The following DACH1 variants were observed in gnomAD, a reference collection of about 807,000 sequenced individuals.
DACH1 encodes the protein dachshund family transcription factor 1, also known as dachshund homolog 1.
In DACH1, 12 loss-of-function variants were observed where a neutral mutation model predicts 54.2. The ratio of observed to expected loss-of-function variants is 0.22; its 90% CI spans 0.14 to 0.36. The LOEUF is 0.36. Ranked by LOEUF, DACH1 falls within the 10% of genes least tolerant of loss-of-function variation. The probability of loss-of-function intolerance (pLI) is 1.00; values close to 1 mark genes in which losing one functional copy is unlikely to be tolerated. For synonymous variants in DACH1, 386 were observed against 366.2 expected (o/e 1.05, Z -0.62); for missense variants, 805 against 929.8 (o/e 0.87, Z 1.75).
intron 3 of DACH1, among the ~76,000 whole-genome samples, chr13:71,591,665 T>G (rs1365744823): frequency 6.6e-6 from 1 of 152,092 alleles, no homozygotes; most frequent in African/African-American, 2.4e-5. Context: ...TTAGTATTAT[T>G]ATGAAATGAG....
intron 10 of DACH1, among the ~76,000 whole-genome samples, chr13:71,458,119 C>T (rs1038016668): frequency 1.3e-5 from 2 of 151,616 alleles, no homozygotes; most frequent in African/African-American, 4.8e-5. Context: ...TTTTTTATTT[C>T]TTTATTCTCA....
At chr13:71,548,082 G>A (rs1368657273) in intron 6 of DACH1, among the ~76,000 whole-genome samples, 1 of 152,100 alleles carries the variant, frequency 6.6e-6, no homozygotes. Context: ...GTGAGTGTTA[G>A]GCAAAATTGA....
chr13:71,488,769 T>C (rs1878744816), intron 7 of DACH1, among the ~76,000 whole-genome samples: 1 of 151,388 alleles, frequency 6.6e-6, no homozygotes, highest in Admixed American at 6.6e-5. Context: ...TTCATCTAAG[T>C]TTTTATTATG....
intron 3 of DACH1, among the ~76,000 whole-genome samples, chr13:71,618,375 G>A (rs982262265): frequency 1.3e-5 from 2 of 151,958 alleles, no homozygotes; most frequent in South Asian, 2.1e-4. Flanking sequence ...TAAACATTTT[G>A]GAATGTTGCC....
Position 71,451,424 on chromosome 13 carries a change from G to C in DACH1, c.2084-10732C>G, listed in dbSNP as rs576131258. ...TTGAGCATTGCTTGGTACATGGAAA[G>C]GGCTCAATAAAAATATATGGAAGGA... On this transcript the variant is annotated intron_variant, in intron 10 of 10. Transcript: ENST00000613252. Among the ~76,000 whole-genome samples, 31 of 152,210 alleles carry C rather than the reference G, an allele frequency of 2.0e-4. No individual in the cohort carries two copies. In the South Asian group the frequency reaches 6.2e-3, roughly 31 times the overall value.
Position 71,616,727 on chromosome 13 carries a change from T to C in DACH1, c.1126+13829A>G, listed in dbSNP as rs567698263. Among the ~76,000 whole-genome samples, 11 of 151,928 alleles carry C rather than the reference T, an allele frequency of 7.2e-5. No homozygotes were observed. In the East Asian group the frequency reaches 2.1e-3, roughly 29 times the overall value. On this transcript the variant is annotated intron_variant, in intron 3 of 10. Coordinates refer to ENST00000613252, the MANE Select transcript of DACH1 (RefSeq NM_080759.6). ...CTCCAGCCTGAATGACAGAGTGAGA[T>C]CCTGTCTCTAAAATGAACAAATGAG...
chr13:71,565,972 G>A (rs745492766), intron 4 of DACH1, among the ~76,000 whole-genome samples: 3 of 152,058 alleles, frequency 2.0e-5, no homozygotes, highest in Non-Finnish European at 4.4e-5. Flanking sequence ...AATGAATACT[G>A]GCGTCTTAAT....
chr13:71,817,714 T>G (rs1888014841), intron 1 of DACH1, among the ~76,000 whole-genome samples: 1 of 152,148 alleles, frequency 6.6e-6, no homozygotes, highest in African/African-American at 2.4e-5. Flanking sequence ...ATTTTTAAGG[T>G]ATTAAGGAAA....
chr13:71,849,922 T>C (rs1490865040), intron 1 of DACH1, among the ~76,000 whole-genome samples: 1 of 152,230 alleles, frequency 6.6e-6, no homozygotes, highest in Non-Finnish European at 1.5e-5. Context: ...AACATAAGAC[T>C]AACAATGTGT....
intron 1 of DACH1, among the ~76,000 whole-genome samples, chr13:71,800,796 A>G (rs560881913): frequency 2.0e-5 from 3 of 152,222 alleles, no homozygotes; most frequent in Admixed American, 1.3e-4. Flanking sequence ...GCTAATTTGA[A>G]GTCCTCAGAT....
chr13:71,589,763 TA>T (rs1309476219), intron 3 of DACH1, among the ~76,000 whole-genome samples: 1 of 152,014 alleles, frequency 6.6e-6, no homozygotes, highest in Admixed American at 6.6e-5. Context: ...TCATTAAGCA[TA>T]AATCATCAAA....
At position 71,559,880 on chromosome 13, in the gene DACH1, G is replaced by C; in HGVS notation, c.1375C>G (p.His459Asp). The C allele has an allele frequency of 6.2e-7, 1 of 1,612,516 alleles. No homozygotes were observed. The highest frequency in any genetic ancestry group is 1.7e-4 in the Middle Eastern group (1 of 5,982). ...GAGCTGGACACGCTGCTGCTGCGAT[G>C]TGATGATGGGTGACTGCCAGGCCTT... ...GRRPGSHPSS[H>D]RSSSVSSSPA... Residue 459 changes from histidine (H) to aspartate (D), a missense_variant, in exon 5 of 11, where the codon CAT (histidine) becomes GAT (aspartate). His to Asp is a moderately conservative substitution (Grantham distance 81). Transcript: ENST00000613252.
intron 1 of DACH1, 76 bp downstream of exon 1, chr13:71,865,846 C>T (rs1874714523): frequency 2.2e-6 from 3 of 1,373,546 alleles, no homozygotes; most frequent in African/African-American, 3.0e-5. Flanking sequence ...CGAGCGGCGC[C>T]GGGAAAGGAG....
intron 6 of DACH1, among the ~76,000 whole-genome samples, chr13:71,498,675 C>A (rs1879652137): frequency 6.6e-6 from 1 of 151,200 alleles, no homozygotes; most frequent in Admixed American, 6.6e-5. Flanking sequence ...AAAAAAACCA[C>A]CATGGCAAGA....
At chr13:71,818,752 C>T (rs1193155288) in intron 1 of DACH1, among the ~76,000 whole-genome samples, 1 of 152,184 alleles carries the variant, frequency 6.6e-6, no homozygotes, top group African/African-American at 2.4e-5. Context: ...TAAATACAGG[C>T]ATTAGTTGAA....
chr13:71,756,535 AC>A (rs1250671165), intron 1 of DACH1, among the ~76,000 whole-genome samples: 5 of 151,792 alleles, frequency 3.3e-5, no homozygotes, highest in South Asian at 4.1e-4. Context: ...AAAAAAAAAA[AC>A]ATTTTATTTT....
At chr13:71,621,104 G>GTA (rs965298571) in intron 3 of DACH1, among the ~76,000 whole-genome samples, 27 of 151,676 alleles carry the variant, frequency 1.8e-4, no homozygotes, top group African/African-American at 6.3e-4. Context: ...CATATATAAT[G>GTA]TATATAACTG....
intron 2 of DACH1, among the ~76,000 whole-genome samples, chr13:71,659,479 G>A (rs1223767429): frequency 6.6e-6 from 1 of 152,096 alleles, no homozygotes; most frequent in Non-Finnish European, 1.5e-5. Flanking sequence ...GCAAAGAGTG[G>A]CTAAGGGATT....
chr13:71,707,670 A>T (rs1882515636), intron 1 of DACH1, among the ~76,000 whole-genome samples: 1 of 152,218 alleles, frequency 6.6e-6, no homozygotes, highest in African/African-American at 2.4e-5. Context: ...CAAGGGCCTT[A>T]AAAGCCTACC....
Sources: allele counts gnomAD v4.1 joint callset (sites outside exome capture counted in the v4.1 genomes callset), GRCh38; gene constraint gnomAD v4.1.1; transcripts MANE v1.5; gene names NCBI Gene and HGNC (gene_info 2026-07-23, HGNC 2026-07-21).